Variants in SLC8A1 observed in about 807,000 individuals in gnomAD.
SLC8A1 encodes the protein sodium/calcium exchanger 1.
Under a neutral mutation model 68.3 loss-of-function variants are expected in SLC8A1, and 18 were observed. The ratio of observed to expected loss-of-function variants is 0.26; its 90% CI spans 0.18 to 0.39. The LOEUF (loss-of-function observed/expected upper bound fraction) is 0.39, where lower values mean the gene tolerates loss of function less well. SLC8A1 is among the 10% of genes least tolerant of loss of function. SLC8A1 has a pLI of 1.00. For synonymous variants in SLC8A1, 475 were observed against 415.5 expected (o/e 1.14, Z -1.74); for missense variants, 985 against 1,156.7 (o/e 0.85, Z 2.15).
intron 2 of SLC8A1, among the ~76,000 whole-genome samples, chr2:40,292,498 A>C (rs936912417): frequency 6.6e-6 from 1 of 152,176 alleles, no homozygotes; most frequent in Non-Finnish European, 1.5e-5. Flanking sequence ...CTCTAGAGAC[A>C]TACTTGGTCA....
chr2:40,300,892 C>A (rs1033108635), intron 2 of SLC8A1, among the ~76,000 whole-genome samples: 1 of 152,156 alleles, frequency 6.6e-6, no homozygotes, highest in Non-Finnish European at 1.5e-5. Flanking sequence ...GAGTTACCAA[C>A]ACATTTCTCA....
intron 6 of SLC8A1, among the ~76,000 whole-genome samples, chr2:40,144,088 C>T (rs1210680269): frequency 6.6e-6 from 1 of 152,098 alleles, no homozygotes; most frequent in Non-Finnish European, 1.5e-5. Context: ...TGCCATATTC[C>T]ATTATTGTTA....
chr2:40,180,643 C>A (rs937635871), intron 2 of SLC8A1, among the ~76,000 whole-genome samples: 8 of 152,330 alleles, frequency 5.3e-5, no homozygotes, highest in Admixed American at 2.6e-4. Flanking sequence ...GTACATCAAA[C>A]TGAAACCCCT....
intron 2 of SLC8A1, among the ~76,000 whole-genome samples, chr2:40,237,799 C>A (rs1172538105): frequency 6.6e-6 from 1 of 152,180 alleles, no homozygotes; most frequent in Non-Finnish European, 1.5e-5. Flanking sequence ...GACGTCCTTT[C>A]TGTTTGTTAG....
At chr2:40,396,347 G>T (rs1362455808) in intron 2 of SLC8A1, among the ~76,000 whole-genome samples, 1 of 152,070 alleles carries the variant, frequency 6.6e-6, no homozygotes, top group Non-Finnish European at 1.5e-5. Flanking sequence ...ACTCAACCAT[G>T]AATCTCTACG....
chr2:40,391,780 A>C lies in SLC8A1; in HGVS notation c.1808+36693T>G, dbSNP rs1202200103. Among the ~76,000 whole-genome samples the C allele has an allele frequency of 3.9e-5, 6 of 152,024 alleles. No individual in the cohort carries two copies. The East Asian group carries it at 1.2e-3, about 29-fold the overall frequency. ...CCTTCACGTGTCAGATGACAAAATAAATCAGGTAGACAAAAAGTGTTAACC... is the reference window on the plus strand; with the variant it reads ...CCTTCACGTGTCAGATGACAAAATACATCAGGTAGACAAAAAGTGTTAACC... On this transcript the variant is annotated intron_variant, in intron 2 of 7. Coordinates refer to ENST00000406785, the Ensembl canonical transcript of SLC8A1.
intron 2 of SLC8A1, among the ~76,000 whole-genome samples, chr2:40,343,179 T>C (rs1399667359): frequency 6.6e-6 from 1 of 152,150 alleles, no homozygotes; most frequent in Non-Finnish European, 1.5e-5. Context: ...GAGTAACATA[T>C]AGTACAGCCT....
At position 40,123,587 on chromosome 2, in the gene SLC8A1, T is replaced by C. The variant is rs533792576; in HGVS notation, c.2438-7958A>G. Among the ~76,000 whole-genome samples, 11 of 152,312 alleles carry C rather than the reference T, an allele frequency of 7.2e-5. 1 individual carries two copies. The South Asian group carries it at 2.3e-3, about 32-fold the overall frequency. Reference sequence around the variant, plus strand: ...CCTGGCATTACATTTGGGCTGTCTTTATAGTACTTTAAAATGGGCTGGAAT... The same window carrying C: ...CCTGGCATTACATTTGGGCTGTCTTCATAGTACTTTAAAATGGGCTGGAAT... On this transcript the variant is annotated intron_variant, in intron 7 of 7. Coordinates refer to ENST00000406785, the Ensembl canonical transcript of SLC8A1.
intron 2 of SLC8A1, among the ~76,000 whole-genome samples, chr2:40,221,738 T>C (rs145901925): frequency 0.016 from 2,490 of 152,076 alleles, 81 homozygotes; most frequent in African/African-American, 0.057. Flanking sequence ...TAATAGACAA[T>C]CAGAGAGCCA....
chr2:40,492,762 C>T (rs1473665416), intron 1 of SLC8A1, among the ~76,000 whole-genome samples: 7 of 149,060 alleles, frequency 4.7e-5, no homozygotes, highest in African/African-American at 1.7e-4. Flanking sequence ...CATCACTGGC[C>T]ATCAGAGAAA....
chr2:40,272,411 A>T (rs1357690206), intron 2 of SLC8A1, among the ~76,000 whole-genome samples: 1 of 152,204 alleles, frequency 6.6e-6, no homozygotes, highest in African/African-American at 2.4e-5. Context: ...CTCCTACCCT[A>T]CAGACCTCCT....
chr2:40,417,942 G>A (rs1237451348), intron 2 of SLC8A1, among the ~76,000 whole-genome samples: 2 of 151,536 alleles, frequency 1.3e-5, no homozygotes, highest in African/African-American at 4.9e-5. Flanking sequence ...AAACTTTAGG[G>A]TCAAAGACCC....
At position 40,158,425 on chromosome 2, in the gene SLC8A1, C is replaced by T. The variant is rs75141969; in HGVS notation, c.2161+2340G>A. On this transcript the variant is annotated intron_variant, in intron 6 of 7. Transcript: ENST00000406785. ...TGTTTCTCAAAATTGTAAATAAGGT[C>T]GATTTACCCAGCAGCCTGCGAATTT... 1.3e-4 allele frequency among the ~76,000 whole-genome samples: 20 copies of T among 152,222 alleles called. No homozygotes were observed. In the East Asian group the frequency reaches 3.3e-3, roughly 25 times the overall value.
chr2:40,447,771 C>T (rs972182158), intron 1 of SLC8A1, among the ~76,000 whole-genome samples: 3 of 152,070 alleles, frequency 2.0e-5, no homozygotes, highest in African/African-American at 7.2e-5. Context: ...ATGCTTTGAA[C>T]CTGGGAATGC....
At chr2:40,444,649 G>A (rs989914717) in intron 1 of SLC8A1, among the ~76,000 whole-genome samples, 7 of 151,998 alleles carry the variant, frequency 4.6e-5, no homozygotes, top group East Asian at 1.9e-4. Flanking sequence ...CTCGTAAGGC[G>A]CACAAAATTA....
At chr2:40,234,734 G>A (rs1034145507) in intron 2 of SLC8A1, among the ~76,000 whole-genome samples, 14 of 152,116 alleles carry the variant, frequency 9.2e-5, no homozygotes, top group Non-Finnish European at 1.2e-4. Flanking sequence ...GTGGCTGTGG[G>A]TTTGTCATAG....
chr2:40,471,786 A>G (rs1704004892), intron 1 of SLC8A1, among the ~76,000 whole-genome samples: 1 of 152,252 alleles, frequency 6.6e-6, no homozygotes, highest in Non-Finnish European at 1.5e-5. Context: ...AACGTCAGCT[A>G]CCTTTGGCAA....
chr2:40,133,401 G>C (rs936496004), intron 7 of SLC8A1, among the ~76,000 whole-genome samples: 1 of 151,048 alleles, frequency 6.6e-6, no homozygotes, highest in Non-Finnish European at 1.5e-5. Context: ...TGGGGGGGGG[G>C]GGGGTGGAAA....
At chr2:40,229,747 C>T (rs1411354994) in intron 2 of SLC8A1, among the ~76,000 whole-genome samples, 1 of 152,138 alleles carries the variant, frequency 6.6e-6, no homozygotes, top group Admixed American at 6.6e-5. Flanking sequence ...AGGCAAAATT[C>T]GTGTGCTGTA....
Sources: gnomAD v4.1 joint callset for allele counts (sites outside exome capture counted in the v4.1 genomes callset) on GRCh38, gnomAD v4.1.1 for gene constraint, MANE v1.5 for transcripts, NCBI Gene and HGNC (gene_info 2026-07-23, HGNC 2026-07-21) for gene names.